ORAI2: variants seen among roughly 807,000 people sequenced by gnomAD.
ORAI2 encodes the protein ORAI calcium release-activated calcium modulator 2.
A neutral mutation model predicts 16.2 loss-of-function variants in ORAI2; 10 were observed. That is an observed-to-expected ratio of 0.62 (90% CI 0.38 to 1.04). The LOEUF is 1.04. ORAI2 is among the 50% of genes least tolerant of loss of function. ORAI2 has a pLI of 0.01. For synonymous variants in ORAI2, 150 were observed against 157.5 expected (o/e 0.95, Z 0.35); for missense variants, 238 against 355.5 (o/e 0.67, Z 2.66).
chr7:102,438,547 G>A (rs1044904740), intron 2 of ORAI2, among the ~76,000 whole-genome samples: 1 of 152,032 alleles, frequency 6.6e-6, no homozygotes, highest in Non-Finnish European at 1.5e-5. Flanking sequence ...GGCTGAGGCA[G>A]GCAGATCACT....
At position 102,449,738 on chromosome 7, in the gene ORAI2, G is replaced by A. The variant is rs1446806686; in HGVS notation, c.*2686G>A. The A allele has an allele frequency of 1.3e-5, 2 of 152,212 alleles. No homozygotes were observed. Among genetic ancestry groups the A allele is most frequent in the African/African-American group, 4.8e-5 (2 of 41,418 alleles). 9.4% of individuals were successfully genotyped at this position (152,212 alleles called of 1,614,324 possible). ...TAATAAATAAAAATAAATTAGCTGG[G>A]CGTGGTGGTGCATGCCTGTAGTTCC... On this transcript the variant is annotated 3_prime_UTR_variant, in exon 4 of 4. Coordinates refer to ENST00000495936, the MANE Select transcript of ORAI2 (RefSeq NM_001126340.3).
intron 1 of ORAI2, among the ~76,000 whole-genome samples, chr7:102,435,827 T>G (rs1047708345): frequency 4.0e-5 from 6 of 151,888 alleles, no homozygotes; most frequent in South Asian, 2.1e-4. Context: ...AAGAGACAGG[T>G]TTCCACCATG....
chr7:102,442,251 A>G (rs556687298), intron 3 of ORAI2, among the ~76,000 whole-genome samples: 4 of 151,976 alleles, frequency 2.6e-5, no homozygotes, highest in Admixed American at 1.3e-4. Flanking sequence ...CCCTGTCCCT[A>G]CTAAAAATAT....
Position 102,447,181 on chromosome 7 carries a change from C to T in ORAI2, c.*129C>T. ...CCAAAGTTTTCCTCTTGTCTTAATA[C>T]CATAAGGACTGGATGACTTCTCCTG... is the stretch of plus-strand genomic sequence containing the variant. On this transcript the variant is annotated 3_prime_UTR_variant, in exon 4 of 4. Coordinates refer to ENST00000495936, the MANE Select transcript of ORAI2 (RefSeq NM_001126340.3). 1 of 1,004,804 alleles carries T rather than the reference C, an allele frequency of 1.0e-6. No homozygotes were observed. The highest frequency in any genetic ancestry group is 1.4e-6 in the Non-Finnish European group (1 of 706,818). 62.2% of individuals were successfully genotyped at this position (1,004,804 alleles called of 1,614,324 possible). A position where few individuals can be genotyped will look rare whatever the true frequency, so the allele number is the denominator to read the frequency against.
chr7:102,446,096 C>G (rs958520598), intron 3 of ORAI2, among the ~76,000 whole-genome samples: 9 of 151,918 alleles, frequency 5.9e-5, no homozygotes, highest in Non-Finnish European at 1.2e-4. Flanking sequence ...TTACAGGTGC[C>G]TGCCACCACG....
intron 3 of ORAI2, among the ~76,000 whole-genome samples, chr7:102,443,125 CTTCTTCTTTTTTT>C (rs1317044974): frequency 2.6e-4 from 7 of 26,630 alleles, no homozygotes; most frequent in African/African-American, 5.1e-4. Context: ...TCTTCTTCTT[CTTCTTCTTTTTTT>C]TTTTTTTAAT....
intron 1 of ORAI2, among the ~76,000 whole-genome samples, chr7:102,435,185 C>G (rs62482952): frequency 6.6e-6 from 1 of 151,998 alleles, no homozygotes. Context: ...GCGGGAGGAT[C>G]GCTTGAGCCT....
chr7:102,438,944 C>G lies in ORAI2; in HGVS notation c.-13C>G, dbSNP rs1485845810. ...GAGCATGTCTCTCTCCCACCCTTAGCCTGGCTCCCACCATGAGTGCTGAGC... is the reference window on the plus strand; with the variant it reads ...GAGCATGTCTCTCTCCCACCCTTAGGCTGGCTCCCACCATGAGTGCTGAGC... On this transcript the variant is annotated splice_region_variant and 5_prime_UTR_variant, in exon 3 of 4. Transcript: ENST00000495936. 6.2e-7 allele frequency: 1 copy of G among 1,613,640 alleles called. No homozygotes were observed. The highest frequency in any genetic ancestry group is 2.2e-5 in the East Asian group (1 of 44,874).
intron 3 of ORAI2, 111 bp downstream of exon 3, chr7:102,439,292 T>C: frequency 1.1e-6 from 1 of 891,786 alleles, no homozygotes; most frequent in Non-Finnish European, 1.7e-6. Context: ...GCAGCCAGGA[T>C]GGACCAGTAG....
At chr7:102,444,759 A>G (rs10953366) in intron 3 of ORAI2, among the ~76,000 whole-genome samples, 107,762 of 149,080 alleles carry the variant, frequency 0.72, 41,111 homozygotes, top group Middle Eastern at 0.84. Flanking sequence ...TCTGCTTCCT[A>G]GGTTCAAGTG....
rs1416312928 is a variant in ORAI2, at chr7:102,450,050, A to C, written c.*2998A>C. The stretch of plus-strand genomic sequence containing the variant: ...TGAGGCAGGAGAATCACTTGAACCC[A>C]GAAGGCAGAGGTAGCAGTGAGCCAA... On this transcript the variant is annotated 3_prime_UTR_variant, in exon 4 of 4. Transcript: ENST00000495936. 1 of 152,226 alleles carries C rather than the reference A, an allele frequency of 6.6e-6. No individual in the cohort carries two copies. The highest frequency in any genetic ancestry group is 2.4e-5 in the African/African-American group (1 of 41,432). 9.4% of individuals were successfully genotyped at this position (152,226 alleles called of 1,614,324 possible).
At chr7:102,439,360 G>T (rs376571823) in intron 3 of ORAI2, among the ~76,000 whole-genome samples, 179 bp downstream of exon 3, 29 of 152,336 alleles carry the variant, frequency 1.9e-4, no homozygotes, top group African/African-American at 6.3e-4. Flanking sequence ...GTGCGAGTGG[G>T]GGCGCTGGGA....
At chr7:102,438,356 T>C (rs1440328959) in intron 2 of ORAI2, among the ~76,000 whole-genome samples, 2 of 151,210 alleles carry the variant, frequency 1.3e-5, no homozygotes, top group African/African-American at 4.9e-5. Context: ...TCAAATAAAA[T>C]AAAAATAAAT....
intron 3 of ORAI2, among the ~76,000 whole-genome samples, chr7:102,439,932 A>AG (rs1391202024): frequency 1.3e-5 from 2 of 151,958 alleles, no homozygotes; most frequent in Non-Finnish European, 2.9e-5. Context: ...GTACAAAAAA[A>AG]TTAGCTGGGT....
In ORAI2 at chr7:102,444,378, A is replaced by G. The variant is rs2133230867; in HGVS notation, c.226-2135A>G. On this transcript the variant is annotated intron_variant, in intron 3 of 3. Transcript: ENST00000495936. ...AGCGATTCTCCTGCCTCAGCCTCCC[A>G]AGTAGCTGGGATTACAGGCACGAGC... 2.0e-5 allele frequency among the ~76,000 whole-genome samples: 3 copies of G among 150,166 alleles called. 1 individual carries two copies. The South Asian group carries it at 6.3e-4, about 32-fold the overall frequency.
rs1045763369 is a variant in ORAI2, at chr7:102,450,675, C to T, written c.*3623C>T. The T allele has an allele frequency of 3.3e-5, 5 of 152,280 alleles. No individual in the cohort carries two copies. Among genetic ancestry groups the T allele is most frequent in the Non-Finnish European group, 5.9e-5 (4 of 68,116 alleles). 9.4% of individuals were successfully genotyped at this position (152,280 alleles called of 1,614,324 possible). A position where few individuals can be genotyped will look rare whatever the true frequency, so the allele number is the denominator to read the frequency against. On this transcript the variant is annotated 3_prime_UTR_variant, in exon 4 of 4. Coordinates refer to ENST00000495936, the MANE Select transcript of ORAI2 (RefSeq NM_001126340.3). ...CTCCCAGCTCCAGCCTTTCTAGTTTCGAGGCATGAGGCAAACCATTGCTGT... is the reference window on the plus strand; with the variant it reads ...CTCCCAGCTCCAGCCTTTCTAGTTTTGAGGCATGAGGCAAACCATTGCTGT...
At position 102,447,216 on chromosome 7, in the gene ORAI2, C is replaced by G; in HGVS notation, c.*164C>G. The G allele has an allele frequency of 1.2e-6, 1 of 816,182 alleles. No homozygotes were observed. Among genetic ancestry groups the G allele is most frequent in the Non-Finnish European group, 1.9e-6 (1 of 536,740 alleles). The allele number at this position is 816,182 out of a possible 1,614,324, so 50.6% of individuals were successfully genotyped here. ...TGGATGACTTCTCCTGAGATAGAAC[C>G]GTTTGGTTCAATGAGGGACTGTGTT... On this transcript the variant is annotated 3_prime_UTR_variant, in exon 4 of 4. Coordinates refer to ENST00000495936, the MANE Select transcript of ORAI2 (RefSeq NM_001126340.3).
At chr7:102,440,890 G>GTTTGTT (rs1237229113) in intron 3 of ORAI2, among the ~76,000 whole-genome samples, 2 of 151,242 alleles carry the variant, frequency 1.3e-5, no homozygotes, top group Admixed American at 1.3e-4. Flanking sequence ...TTTTCTTTTT[G>GTTTGTT]TTTGTTTTTG....
intron 3 of ORAI2, among the ~76,000 whole-genome samples, chr7:102,441,817 T>C (rs1238707883): frequency 1.3e-5 from 2 of 152,024 alleles, no homozygotes; most frequent in Non-Finnish European, 2.9e-5. Flanking sequence ...GTGCACCTGC[T>C]TGATTAGATT....
Sources: gnomAD v4.1 joint callset for allele counts (sites outside exome capture counted in the v4.1 genomes callset) on GRCh38, gnomAD v4.1.1 for gene constraint, MANE v1.5 for transcripts, NCBI Gene and HGNC (gene_info 2026-07-23, HGNC 2026-07-21) for gene names.